The following ACOX1 variants were observed in gnomAD, a reference collection of about 807,000 sequenced individuals.
ACOX1 encodes the protein acyl-CoA oxidase 1, also known as peroxisomal acyl-coenzyme A oxidase 1.
Under a neutral mutation model 75.5 loss-of-function variants are expected in ACOX1, and 41 were observed. That is an observed-to-expected ratio of 0.54 (90% CI 0.42 to 0.70). The LOEUF (loss-of-function observed/expected upper bound fraction) is 0.70. Among genes scored for constraint, ACOX1 ranks in the 30% least tolerant of loss-of-function variants. The pLI, the probability that ACOX1 is intolerant of heterozygous loss-of-function variation, is 0.00. For synonymous variants in ACOX1, 303 were observed against 298.8 expected (o/e 1.01, Z -0.15); for missense variants, 630 against 837.5 (o/e 0.75, Z 3.06).
intron 2 of ACOX1, among the ~76,000 whole-genome samples, chr17:75,977,643 C>CCAAG (rs1450241925): frequency 6.6e-6 from 1 of 152,176 alleles, no homozygotes; most frequent in Non-Finnish European, 1.5e-5. Flanking sequence ...CACACTAGAA[C>CCAAG]CAAGGCAGGT....
intron 2 of ACOX1, among the ~76,000 whole-genome samples, chr17:75,964,400 T>C (rs1385447240): frequency 1.3e-5 from 2 of 152,100 alleles, no homozygotes; most frequent in Non-Finnish European, 2.9e-5. Context: ...AAGGTTATTT[T>C]ACTTCACTAG....
chr17:75,952,636 C>G (rs962325948), intron 7 of ACOX1, among the ~76,000 whole-genome samples: 1 of 151,730 alleles, frequency 6.6e-6, no homozygotes, highest in African/African-American at 2.4e-5. Flanking sequence ...AATAGACCAG[C>G]CTGGCCAACA....
In ACOX1 at chr17:75,978,779, T is replaced by A; in HGVS notation, c.110-86A>T. On this transcript the variant is annotated intron_variant, in intron 1 of 13. Coordinates refer to ENST00000293217, the MANE Select transcript of ACOX1 (RefSeq NM_004035.7). The surrounding 1 kb of genome is among the most constrained non-coding windows in gnomAD (Gnocchi z 4.2). ...CCCTGAATCACAATAGGCTTCAGAG[T>A]CGCGGACACACCTGGGGAATGGCGA... is the stretch of plus-strand genomic sequence containing the variant. 1 of 1,609,478 alleles carries A rather than the reference T, an allele frequency of 6.2e-7. No homozygotes were observed. Among genetic ancestry groups the A allele is most frequent in the Non-Finnish European group, 8.5e-7 (1 of 1,179,770 alleles).
At position 75,967,829 on chromosome 17, in the gene ACOX1, C is replaced by T. The variant is rs1469631145; in HGVS notation, c.270-7454G>A. On this transcript the variant is annotated intron_variant, in intron 2 of 13. Coordinates refer to ENST00000293217, the MANE Select transcript of ACOX1 (RefSeq NM_004035.7). ...GATCTCGGCTCACTGCAACCTCCAC[C>T]TCCCAGGTTCAAGCGATTCTCCTGC... Among the ~76,000 whole-genome samples, 5 of 150,570 alleles carry T rather than the reference C, an allele frequency of 3.3e-5. No homozygotes were observed. The East Asian group carries it at 9.9e-4, about 30-fold the overall frequency.
At chr17:75,953,407 AACTAGGCCTTTGGT>A in intron 7 of ACOX1, 30 bp downstream of exon 7, 1 of 1,607,890 alleles carries the variant, frequency 6.2e-7, no homozygotes. Context: ...ATGGGGTAAA[AACTAGGCCTTTGGT>A]ACTGAGCCCA....
chr17:75,944,364 T>A lies in ACOX1; in HGVS notation c.*2384A>T, dbSNP rs2065701117. ...CAAACTTGTCAGTGGCAGTCTAGTGTGGTAGAGAGAACAAACTGGACTTGC... is the reference window on the plus strand; with the variant it reads ...CAAACTTGTCAGTGGCAGTCTAGTGAGGTAGAGAGAACAAACTGGACTTGC... On this transcript the variant is annotated 3_prime_UTR_variant, in exon 14 of 14. Coordinates refer to ENST00000293217, the MANE Select transcript of ACOX1 (RefSeq NM_004035.7). 1 of 152,204 alleles carries A rather than the reference T, an allele frequency of 6.6e-6. No homozygotes were observed. The highest frequency in any genetic ancestry group is 1.5e-5 in the Non-Finnish European group (1 of 68,034). The allele number at this position is 152,204 out of a possible 1,614,324, so 9.4% of individuals were successfully genotyped here.
At chr17:75,953,307 A>G in intron 7 of ACOX1, 144 bp downstream of exon 7, 1 of 842,164 alleles carries the variant, frequency 1.2e-6, no homozygotes, top group Non-Finnish European at 1.9e-6. Flanking sequence ...GGAAGCCTAG[A>G]TATGAAATTA....
chr17:75,949,185 A>T, intron 12 of ACOX1, 32 bp downstream of exon 12: 3 of 1,613,762 alleles, frequency 1.9e-6, no homozygotes, highest in Non-Finnish European at 2.5e-6. Context: ...TAAAACAACA[A>T]CAAAAAAGAC....
In ACOX1 at chr17:75,978,786, C is replaced by A. The variant is rs917484376; in HGVS notation, c.110-93G>T. On this transcript the variant is annotated intron_variant, in intron 1 of 13. Transcript: ENST00000293217. The surrounding 1 kb of genome is among the most constrained non-coding windows in gnomAD (Gnocchi z 4.2). Reference sequence around the variant, plus strand: ...TCACAATAGGCTTCAGAGTCGCGGACACACCTGGGGAATGGCGATATCCCC... The same window carrying A: ...TCACAATAGGCTTCAGAGTCGCGGAAACACCTGGGGAATGGCGATATCCCC... The A allele has an allele frequency of 3.1e-6, 5 of 1,608,414 alleles. No homozygotes were observed. The African/African-American group carries it at 6.7e-5, about 21-fold the overall frequency.
At position 75,949,827 on chromosome 17, in the gene ACOX1, C is replaced by T. The variant is rs377763681; in HGVS notation, c.1369G>A (p.Asp457Asn). ...LVCGMVSYLNDLPSQRIQPQQ... is the reference protein window; with the variant it reads ...LVCGMVSYLNNLPSQRIQPQQ... Reference sequence around the variant, plus strand: ...GGCTGGATGCGCTGACTGGGCAGGTCGTTCAAATAGGACACCATGCCACAC... The same window carrying T: ...GGCTGGATGCGCTGACTGGGCAGGTTGTTCAAATAGGACACCATGCCACAC... The change falls in exon 10 of 14, where the codon GAC becomes AAC. Residue 457 changes from aspartate (D) to asparagine (N), a missense_variant. Physicochemically the swap from Asp to Asn is conservative, Grantham distance 23 (BLOSUM62 1). This residue lies in a region of ACOX1 where 240 missense variants were observed against 262.7 expected (regional missense o/e 0.91). Transcript: ENST00000293217. The T allele has an allele frequency of 2.8e-5, 45 of 1,614,078 alleles. No homozygotes were observed. Among genetic ancestry groups the T allele is most frequent in the Non-Finnish European group, 3.4e-5 (40 of 1,180,052 alleles).
chr17:75,969,964 C>T (rs930678816), intron 2 of ACOX1, among the ~76,000 whole-genome samples: 6 of 151,912 alleles, frequency 3.9e-5, no homozygotes, highest in African/African-American at 7.3e-5. Context: ...GTGGGCAGAT[C>T]GCCTGAGGTC....
chr17:75,973,647 G>T (rs543316644), intron 2 of ACOX1: 4 of 1,614,092 alleles, frequency 2.5e-6, no homozygotes, highest in South Asian at 1.1e-5. Flanking sequence ...CCGTCTGGGC[G>T]TAGGTGCCAA....
Position 75,950,843 on chromosome 17 carries a change from AT to A in ACOX1, c.1228del (p.Ile410PhefsTer18). 1 of 1,614,158 alleles carries A rather than the reference AT, an allele frequency of 6.2e-7. No individual in the cohort carries two copies. The highest frequency in any genetic ancestry group is 8.5e-7 in the Non-Finnish European group (1 of 1,180,032). ...ACAGCTTGGGGTGAAATTGACATAA[AT>A]ATTTGGAAGACCACTGCAATGAGAA... is the stretch of plus-strand genomic sequence containing the variant. ...GYSHCSGLPN[I>X]YVNFTPSCTF... On this transcript the variant is annotated frameshift_variant, in exon 9 of 14. Coordinates refer to ENST00000293217, the MANE Select transcript of ACOX1 (RefSeq NM_004035.7). LOFTEE classifies it high-confidence loss of function. This position sits in a 1 kb window ranked among gnomAD's most constrained non-coding sequence, Gnocchi z 4.3.
chr17:75,959,479 T>C (rs914982766), intron 3 of ACOX1, among the ~76,000 whole-genome samples: 1 of 152,162 alleles, frequency 6.6e-6, no homozygotes, highest in African/African-American at 2.4e-5. Context: ...CCAGTTTTTC[T>C]GAAACGTCAG....
intron 7 of ACOX1, 114 bp downstream of exon 7, chr17:75,953,337 A>G (rs1052253490): frequency 8.2e-7 from 1 of 1,218,142 alleles, no homozygotes; most frequent in Non-Finnish European, 1.2e-6. Context: ...TTATCACCCT[A>G]GCCAATTTTG....
At chr17:75,953,049 G>A (rs1253944185) in intron 7 of ACOX1, among the ~76,000 whole-genome samples, 2 of 152,062 alleles carry the variant, frequency 1.3e-5, no homozygotes, top group Non-Finnish European at 2.9e-5. Context: ...ATAAACTGTG[G>A]CTATGAATGC....
At chr17:75,963,408 A>G (rs1453524896) in intron 2 of ACOX1, among the ~76,000 whole-genome samples, 3 of 152,026 alleles carry the variant, frequency 2.0e-5, no homozygotes, top group African/African-American at 7.2e-5. Context: ...TGGACTAAAG[A>G]CTGTGACTGC....
chr17:75,950,956 G>A lies in ACOX1; in HGVS notation c.1116C>T (p.Ala372=), dbSNP rs2144241005. The A allele has an allele frequency of 1.9e-6, 3 of 1,613,978 alleles. No individual in the cohort carries two copies. The highest frequency in any genetic ancestry group is 2.5e-6 in the Non-Finnish European group (3 of 1,179,960). The part of the protein sequence containing the change: ...GDLSELPELH[A]LTAGLKAFTS... ...TGAAAGCCTTCAGTCCAGCGGTGAG[G>A]GCATGAAGCTGAGAGGACAAGCACA... is the stretch of plus-strand genomic sequence containing the variant. Residue 372 remains alanine, a synonymous_variant, in exon 9 of 14, where the codon GCC becomes GCT. Transcript: ENST00000293217. This position sits in a 1 kb window ranked among gnomAD's most constrained non-coding sequence, Gnocchi z 4.3.
chr17:75,946,116 A>G lies in ACOX1; in HGVS notation c.*632T>C, dbSNP rs187624130. 7.1e-4 allele frequency: 113 copies of G among 158,642 alleles called. 1 individual carries two copies. The highest frequency in any genetic ancestry group is 2.4e-3 in the African/African-American group (101 of 41,582). The allele number at this position is 158,642 out of a possible 1,614,324, so 9.8% of individuals were successfully genotyped here. On this transcript the variant is annotated 3_prime_UTR_variant, in exon 14 of 14. Coordinates refer to ENST00000293217, the MANE Select transcript of ACOX1 (RefSeq NM_004035.7). ...TAATTACACGAGACAATGGTCCTAC[A>G]GTAGGCCCGTGCGGAATAAGTTCCC...
Sources: allele counts gnomAD v4.1 joint callset (sites outside exome capture counted in the v4.1 genomes callset), GRCh38; gene constraint gnomAD v4.1.1; regional missense constraint gnomAD v4.1.1; non-coding constraint Gnocchi (gnomAD v3.1); transcripts MANE v1.5; gene names NCBI Gene and HGNC (gene_info 2026-07-23, HGNC 2026-07-21).